Variants in WWOX observed in about 807,000 individuals in gnomAD.
WWOX encodes the protein WW domain-containing oxidoreductase.
A neutral mutation model predicts 46.2 loss-of-function variants in WWOX; 69 were observed. The ratio of observed to expected loss-of-function variants is 1.49; its 90% CI spans 1.23 to 1.82. The LOEUF (loss-of-function observed/expected upper bound fraction) is 1.82, where lower values mean the gene tolerates loss of function less well. WWOX is among the 40% of genes most tolerant of loss of function. The pLI, the probability that WWOX is intolerant of heterozygous loss-of-function variation, is 0.00. For synonymous variants in WWOX, 359 were observed against 202.6 expected (o/e 1.77, Z -6.56); for missense variants, 919 against 542.6 (o/e 1.69, Z -6.89).
chr16:79,015,544 C>G (rs987491135), intron 8 of WWOX, among the ~76,000 whole-genome samples: 1 of 152,012 alleles, frequency 6.6e-6, no homozygotes, highest in African/African-American at 2.4e-5. Context: ...GGAGGGAAGC[C>G]ACCTCCAGGA....
At chr16:78,354,870 A>T (rs796437133) in intron 5 of WWOX, among the ~76,000 whole-genome samples, 9 of 152,286 alleles carry the variant, frequency 5.9e-5, no homozygotes, top group African/African-American at 1.9e-4. Flanking sequence ...GTGGTGGTGC[A>T]TGCCTATAAT....
At chr16:78,157,305 T>G (rs1488473019) in intron 4 of WWOX, among the ~76,000 whole-genome samples, 1 of 152,194 alleles carries the variant, frequency 6.6e-6, no homozygotes, top group African/African-American at 2.4e-5. Flanking sequence ...CAAGACTTTG[T>G]TCGGTGCCTG....
intron 8 of WWOX, among the ~76,000 whole-genome samples, chr16:78,611,543 G>A (rs973163066): frequency 6.6e-6 from 1 of 152,184 alleles, no homozygotes; most frequent in Non-Finnish European, 1.5e-5. Context: ...GGCCAGCTCT[G>A]TATGGCCAGT....
intron 8 of WWOX, among the ~76,000 whole-genome samples, chr16:79,056,874 T>G (rs1174687818): frequency 1.3e-5 from 2 of 152,254 alleles, no homozygotes; most frequent in African/African-American, 4.8e-5. Context: ...AAAGAGCCTT[T>G]CAGGCAGGCT....
At chr16:78,837,077 A>G (rs2052007293) in intron 8 of WWOX, among the ~76,000 whole-genome samples, 1 of 152,112 alleles carries the variant, frequency 6.6e-6, no homozygotes, top group Non-Finnish European at 1.5e-5. Flanking sequence ...AGAATTGCAG[A>G]TGGCCCTTTG....
chr16:78,898,653 C>T (rs1597122944), intron 8 of WWOX: 1 of 152,140 alleles, frequency 6.6e-6, no homozygotes, highest in East Asian at 1.9e-4. Flanking sequence ...TTTAAAAAGC[C>T]TTGCTGGGAG....
intron 8 of WWOX, among the ~76,000 whole-genome samples, chr16:78,472,259 G>C (rs889300252): frequency 6.6e-6 from 1 of 152,100 alleles, no homozygotes; most frequent in Non-Finnish European, 1.5e-5. Context: ...ATGATGGAAT[G>C]ACTAACGAGG....
intron 8 of WWOX, among the ~76,000 whole-genome samples, chr16:79,088,947 C>T (rs189723382): frequency 2.6e-5 from 4 of 151,966 alleles, no homozygotes; most frequent in Admixed American, 6.5e-5. Context: ...TTTTTTTTGT[C>T]TTAATGTTTA....
intron 5 of WWOX, among the ~76,000 whole-genome samples, chr16:78,365,595 G>C (rs1206229472): frequency 6.6e-6 from 1 of 152,198 alleles, no homozygotes; most frequent in Non-Finnish European, 1.5e-5. Flanking sequence ...AGTGTTGCTT[G>C]TAATTCTTTC....
At chr16:78,781,516 C>G (rs1466713136) in intron 8 of WWOX, among the ~76,000 whole-genome samples, 1 of 152,198 alleles carries the variant, frequency 6.6e-6, no homozygotes, top group Non-Finnish European at 1.5e-5. Context: ...CATTATGACC[C>G]TTTAATGGGC....
chr16:78,314,701 G>GTTTTTT (rs920575863), intron 5 of WWOX, among the ~76,000 whole-genome samples: 23 of 61,290 alleles, frequency 3.8e-4, no homozygotes, highest in African/African-American at 1.3e-3. Context: ...TTTTTTTTTT[G>GTTTTTT]TTTTTTTTTT....
At chr16:79,157,445 C>G (rs74035094) in intron 8 of WWOX, among the ~76,000 whole-genome samples, 5,558 of 129,626 alleles carry the variant, frequency 0.043, 383 homozygotes, top group African/African-American at 0.18. Context: ...AAGAAAGAAA[C>G]CACAAAACCA....
At chr16:78,290,050 AC>A (rs2079834700) in intron 5 of WWOX, among the ~76,000 whole-genome samples, 43 of 152,306 alleles carry the variant, frequency 2.8e-4, no homozygotes, top group Middle Eastern at 3.4e-3. Flanking sequence ...ATGTGCACAC[AC>A]ACACTTTTAA....
chr16:78,904,737 A>G (rs536182578), intron 8 of WWOX, among the ~76,000 whole-genome samples: 7 of 152,304 alleles, frequency 4.6e-5, no homozygotes, highest in Non-Finnish European at 8.8e-5. Flanking sequence ...TGGTCACCCT[A>G]TCTATGATCT....
rs139503439 is a variant in WWOX at position 78,746,516 on chromosome 16, A to G, written c.1056+313764A>G. On this transcript the variant is annotated intron_variant, in intron 8 of 8. Transcript: ENST00000566780. Reference sequence around the variant, plus strand: ...TGCTAAAGTGCATTGTAGTAATACTAGATATCAGCACCCTTGCCATGGCCT... The same window carrying G: ...TGCTAAAGTGCATTGTAGTAATACTGGATATCAGCACCCTTGCCATGGCCT... Among the ~76,000 whole-genome samples the G allele has an allele frequency of 1.7e-3, 252 of 152,226 alleles. 1 individual carries two copies. Among genetic ancestry groups the G allele is most frequent in the African/African-American group, 5.9e-3 (245 of 41,550 alleles).
chr16:79,000,510 T>C (rs1479417440), intron 8 of WWOX, among the ~76,000 whole-genome samples: 1 of 151,728 alleles, frequency 6.6e-6, no homozygotes, highest in East Asian at 1.9e-4. Context: ...GGTGGCTGAG[T>C]AAAGAGGACT....
At chr16:79,149,108 G>C (rs993104101) in intron 8 of WWOX, among the ~76,000 whole-genome samples, 3 of 152,104 alleles carry the variant, frequency 2.0e-5, no homozygotes, top group East Asian at 3.9e-4. Flanking sequence ...CCTTGCTCCT[G>C]ATCTTAGGGA....
At chr16:78,791,106 G>C (rs2050586402) in intron 8 of WWOX, among the ~76,000 whole-genome samples, 3 of 151,944 alleles carry the variant, frequency 2.0e-5, no homozygotes, top group South Asian at 4.2e-4. Flanking sequence ...CCTGAAGGAA[G>C]GGCAGGGAAG....
At chr16:78,185,234 A>G (rs964116582) in intron 5 of WWOX, among the ~76,000 whole-genome samples, 6 of 152,180 alleles carry the variant, frequency 3.9e-5, no homozygotes, top group Non-Finnish European at 8.8e-5. Flanking sequence ...ATTTCTTTCC[A>G]CGGTCATGTC....
Sources: gnomAD v4.1 joint callset for allele counts (sites outside exome capture counted in the v4.1 genomes callset) on GRCh38, gnomAD v4.1.1 for gene constraint, MANE v1.5 for transcripts, NCBI Gene and HGNC (gene_info 2026-07-23, HGNC 2026-07-21) for gene names.